Variants in CLPTM1L observed in about 807,000 individuals in gnomAD.
CLPTM1L encodes the protein lipid scramblase CLPTM1L.
Under a neutral mutation model 70.9 loss-of-function variants are expected in CLPTM1L, and 38 were observed. That is an observed-to-expected ratio of 0.54 (90% confidence interval 0.41 to 0.70). The LOEUF is 0.70. Among genes scored for constraint, CLPTM1L ranks in the 30% least tolerant of loss-of-function variants. The pLI is 0.00. For missense variants in CLPTM1L, 652 were observed against 705.9 expected, an observed-to-expected ratio of 0.92 and a Z score of 0.87; for synonymous variants, 339 against 299.9, an observed-to-expected ratio of 1.13 and a Z score of -1.35.
intron 15 of CLPTM1L, 74 bp from the exon 16 acceptor site, chr5:1,320,805 C>A (rs2126717627): frequency 1.3e-6 from 1 of 785,538 alleles, no homozygotes; most frequent in Non-Finnish European, 2.1e-6. Flanking sequence ...GTAACCTAAC[C>A]AAGCCAACGG....
chr5:1,322,742 T>G, intron 13 of CLPTM1L, 135 bp downstream of exon 13: 1 of 886,066 alleles, frequency 1.1e-6, no homozygotes, highest in South Asian at 1.4e-5. Flanking sequence ...GCACCGCACA[T>G]GTGCCAGAAC....
intron 9 of CLPTM1L, among the ~76,000 whole-genome samples, chr5:1,328,976 A>ACAGCTCCTCCTCTACAGACACATTCCATC (rs1752878974): frequency 2.2e-5 from 3 of 133,944 alleles, no homozygotes; most frequent in Admixed American, 7.8e-5. Context: ...CACATTTCAT[A>ACAGCTCCTCCTCTACAGACACATTCCATC]CAGCTCCTCC....
chr5:1,338,124 G>C, intron 4 of CLPTM1L, 142 bp from the exon 5 acceptor site: 1 of 688,740 alleles, frequency 1.5e-6, no homozygotes, highest in South Asian at 1.7e-5. Context: ...TGACCCCAGG[G>C]CACAGCCTCC....
In CLPTM1L at chr5:1,342,008, T is replaced by G; in HGVS notation, c.264-148A>C. 1.8e-6 allele frequency: 1 copy of G among 564,170 alleles called. No homozygotes were observed. Among genetic ancestry groups the G allele is most frequent in the Non-Finnish European group, 3.0e-6 (1 of 332,368 alleles). 34.9% of individuals were successfully genotyped at this position (564,170 alleles called of 1,614,324 possible). ...ACCCACCTGCCCAGGGCTTTACGAG[T>G]CGTGTGTGTGTGTGTGTGTGTGTGT... is the stretch of plus-strand genomic sequence containing the variant. On this transcript the variant is annotated intron_variant, in intron 2 of 16. Coordinates refer to ENST00000320895, the MANE Select transcript of CLPTM1L (RefSeq NM_030782.5). The surrounding 1 kb of genome is among the most constrained non-coding windows in gnomAD (Gnocchi z 4.3).
intron 8 of CLPTM1L, 43 bp downstream of exon 8, chr5:1,331,756 C>T: frequency 6.4e-7 from 1 of 1,574,706 alleles, no homozygotes; most frequent in Admixed American, 1.7e-5. Flanking sequence ...AGTGAGCTCC[C>T]TGGGGCAGAG....
chr5:1,340,355 A>C (rs770333378), intron 3 of CLPTM1L, among the ~76,000 whole-genome samples: 59 of 152,340 alleles, frequency 3.9e-4, no homozygotes, highest in Admixed American at 1.4e-3. Context: ...CGGCTCTTAC[A>C]TGAAGTTAAA....
At chr5:1,327,724 C>T (rs965369264) in intron 9 of CLPTM1L, among the ~76,000 whole-genome samples, 4 of 150,782 alleles carry the variant, frequency 2.7e-5, no homozygotes, top group Non-Finnish European at 5.9e-5. Flanking sequence ...AGGGACATTT[C>T]ATCCAGCTCC....
chr5:1,321,733 G>A (rs1196356719), intron 14 of CLPTM1L, 31 bp downstream of exon 14: 3 of 1,613,864 alleles, frequency 1.9e-6, no homozygotes, highest in Non-Finnish European at 8.5e-7. Context: ...GGAGACGGGG[G>A]CCGGGCCGCG....
rs1455502343 is a variant in CLPTM1L at position 1,341,825 on chromosome 5, T to C, written c.299A>G (p.Asn100Ser). 1 of 1,613,752 alleles carries C rather than the reference T, an allele frequency of 6.2e-7. No individual in the cohort carries two copies. Among genetic ancestry groups the C allele is most frequent in the Admixed American group, 1.7e-5 (1 of 59,980 alleles). Reference sequence around the variant, plus strand: ...GATGTAGGCATACAGCGTCCCATTGTTTCTCGTTTTCTTTGGTACAGAAAC... The same window carrying C: ...GATGTAGGCATACAGCGTCCCATTGCTTCTCGTTTTCTTTGGTACAGAAAC... ...VNVSVPKKTR[N>S]NGTLYAYIFL... Residue 100 changes from asparagine to serine, a missense_variant, in exon 3 of 17, where the codon AAC becomes AGC. Asn to Ser is a conservative substitution (Grantham distance 46). Around this residue, in one of 3 missense-constraint regions of CLPTM1L, gnomAD observed 402 missense variants for 388.2 expected, o/e 1.04. Coordinates refer to ENST00000320895, the MANE Select transcript of CLPTM1L (RefSeq NM_030782.5).
At chr5:1,327,772 A>G (rs1268600010) in intron 9 of CLPTM1L, among the ~76,000 whole-genome samples, 2 of 150,232 alleles carry the variant, frequency 1.3e-5, no homozygotes, top group African/African-American at 5.0e-5. Flanking sequence ...CCTCCTCTAC[A>G]GGGACATTCC....
At chr5:1,339,282 C>T (rs1474538393) in intron 3 of CLPTM1L, among the ~76,000 whole-genome samples, 2 of 134,212 alleles carry the variant, frequency 1.5e-5, no homozygotes, top group East Asian at 2.3e-4. Flanking sequence ...AACCTGTGAA[C>T]AGATGGCCAC....
chr5:1,320,072 C>G (rs534592573), intron 16 of CLPTM1L: 2 of 152,406 alleles, frequency 1.3e-5, no homozygotes, highest in East Asian at 1.9e-4. Flanking sequence ...TTAGAAAATT[C>G]CACAAAGCCT....
chr5:1,333,914 C>T (rs1753371452), intron 7 of CLPTM1L, among the ~76,000 whole-genome samples: 1 of 152,092 alleles, frequency 6.6e-6, no homozygotes, highest in Non-Finnish European at 1.5e-5. Flanking sequence ...CAGCTCCGCC[C>T]CTGGCTCTGC....
At chr5:1,324,001 AG>A (rs1752348996) in intron 11 of CLPTM1L, 132 bp from the exon 12 acceptor site, 1 of 722,136 alleles carries the variant, frequency 1.4e-6, no homozygotes, top group East Asian at 2.7e-5. Context: ...GCTGCTCTGC[AG>A]GGGGCGGCGT....
Position 1,328,704 on chromosome 5 carries a change from A to G in CLPTM1L, c.1080+1576T>C, listed in dbSNP as rs1225513020. On this transcript the variant is annotated intron_variant, in intron 9 of 16. Coordinates refer to ENST00000320895, the MANE Select transcript of CLPTM1L (RefSeq NM_030782.5). ...ATTTCATCCAGCTCCTCCTCTATAG[A>G]CACATTCCATCCAGCTCCTCCTCTA... is the stretch of plus-strand genomic sequence containing the variant. Among the ~76,000 whole-genome samples the G allele has an allele frequency of 7.4e-4, 109 of 147,856 alleles. 2 individuals are homozygous for G. Among genetic ancestry groups the G allele is most frequent in the Admixed American group, 1.1e-3 (16 of 14,982 alleles).
chr5:1,322,902 G>C lies in CLPTM1L; in HGVS notation c.1290C>G (p.Ser430=), dbSNP rs1353517976. 6.2e-7 allele frequency: 1 copy of C among 1,613,970 alleles called. No homozygotes were observed. Among genetic ancestry groups the C allele is most frequent in the South Asian group, 1.1e-5 (1 of 91,090 alleles). The change falls in exon 13 of 17, where the codon TCC becomes TCG. Residue 430 remains serine (S), a synonymous_variant. Coordinates refer to ENST00000320895, the MANE Select transcript of CLPTM1L (RefSeq NM_030782.5). ...LLNIKYKSWY[S]WLINSFVNGV... The stretch of plus-strand genomic sequence containing the variant: ...CGTTGACGAAGCTGTTGATTAACCA[G>C]GAGTACCAGCTGAAACGGAAAAAAA...
intron 13 of CLPTM1L, among the ~76,000 whole-genome samples, chr5:1,322,429 G>A (rs1037215164): frequency 5.3e-5 from 8 of 152,220 alleles, no homozygotes; most frequent in Non-Finnish European, 1.0e-4. Flanking sequence ...GGGGCGCGCC[G>A]TGCACCAGAG....
At chr5:1,329,340 C>A (rs1036662398) in intron 9 of CLPTM1L, among the ~76,000 whole-genome samples, 2 of 152,286 alleles carry the variant, frequency 1.3e-5, no homozygotes, top group African/African-American at 4.8e-5. Context: ...CAAGGCCCCA[C>A]GGTTTACACC....
chr5:1,332,676 G>A (rs531921014), intron 7 of CLPTM1L, among the ~76,000 whole-genome samples: 5 of 152,310 alleles, frequency 3.3e-5, no homozygotes, highest in Admixed American at 6.5e-5. Flanking sequence ...GGAGCAGTGC[G>A]ATGAGACAGA....
Sources: gnomAD v4.1 joint callset for allele counts (sites outside exome capture counted in the v4.1 genomes callset) on GRCh38, gnomAD v4.1.1 for gene constraint, gnomAD v4.1.1 regional missense constraint, Gnocchi (gnomAD v3.1) non-coding constraint, MANE v1.5 for transcripts, NCBI Gene and HGNC (gene_info 2026-07-23, HGNC 2026-07-21) for gene names.